The following UBE3B variants were observed in gnomAD, a reference collection of about 807,000 sequenced individuals.
UBE3B encodes the protein ubiquitin-protein ligase E3B.
Under a neutral mutation model 132.3 loss-of-function variants are expected in UBE3B, and 80 were observed. The observed-to-expected ratio is 0.60, with a 90% CI of 0.50 to 0.73. The LOEUF is 0.73. Among genes scored for constraint, UBE3B ranks in the 30% least tolerant of loss-of-function variants. The pLI, the probability that UBE3B is intolerant of heterozygous loss-of-function variation, is 0.00. For missense variants in UBE3B, 1,196 were observed against 1,362.5 expected, an observed-to-expected ratio of 0.88 and a Z score of 1.92; for synonymous variants, 487 against 520.4, an observed-to-expected ratio of 0.94 and a Z score of 0.87.
chr12:109,512,230 G>A (rs1384416923), intron 18 of UBE3B, among the ~76,000 whole-genome samples: 1 of 152,178 alleles, frequency 6.6e-6, no homozygotes, highest in Non-Finnish European at 1.5e-5. Flanking sequence ...CAGCACCCAA[G>A]TCTGCTGACT....
At chr12:109,528,366 G>A in intron 24 of UBE3B, 5 of 985,340 alleles carry the variant, frequency 5.1e-6, no homozygotes, top group Non-Finnish European at 4.8e-6. Flanking sequence ...AAGTATACCT[G>A]GAAGGAGGAG....
chr12:109,499,677 G>T lies in UBE3B; in HGVS notation c.985G>T (p.Glu329Ter). 1 of 1,612,794 alleles carries T rather than the reference G, an allele frequency of 6.2e-7. No individual in the cohort carries two copies. Among genetic ancestry groups the T allele is most frequent in the South Asian group, 1.1e-5 (1 of 90,976 alleles). The change falls in exon 12 of 28, where the codon GAG (glutamate) becomes TAG (stop). Residue 329 changes from glutamate to a stop codon, truncating the protein, a stop_gained. Coordinates refer to ENST00000342494, the MANE Select transcript of UBE3B (RefSeq NM_130466.4). LOFTEE classifies it high-confidence loss of function. ...CTCCCTCAGCCCCAGAGTGTTAGAGGAGGAGACAGATGGGTTCGTGAGTTT... is the reference window on the plus strand; with the variant it reads ...CTCCCTCAGCCCCAGAGTGTTAGAGTAGGAGACAGATGGGTTCGTGAGTTT... The part of the protein sequence containing the change: ...LGSLSPRVLE[E>*]ETDGFVSLLT...
At chr12:109,542,668 CAG>C in the UBE3B span, among the ~76,000 whole-genome samples, 1 of 152,140 alleles carries the variant, frequency 6.6e-6, no homozygotes, top group Non-Finnish European at 1.5e-5. Flanking sequence ...AAGACAGAGG[CAG>C]AGACTCAAGT....
At chr12:109,478,583 C>T (rs532065756) in intron 1 of UBE3B, among the ~76,000 whole-genome samples, 7 of 152,152 alleles carry the variant, frequency 4.6e-5, no homozygotes, top group Non-Finnish European at 1.0e-4. Flanking sequence ...AAGTTCAAGA[C>T]CAGCGTGGCC....
chr12:109,492,650 G>A (rs917802720), intron 9 of UBE3B: 2 of 151,854 alleles, frequency 1.3e-5, no homozygotes, highest in Non-Finnish European at 2.9e-5. Context: ...GTCTGAGGTG[G>A]GAGGATCACT....
chr12:109,533,057 T>A (rs527581722), intron 26 of UBE3B, among the ~76,000 whole-genome samples: 3 of 152,046 alleles, frequency 2.0e-5, no homozygotes, highest in Admixed American at 2.0e-4. Context: ...GCCCTCACCG[T>A]CTCCCATTTT....
At chr12:109,531,000 C>A (rs1197279395) in intron 26 of UBE3B, among the ~76,000 whole-genome samples, 2 of 152,200 alleles carry the variant, frequency 1.3e-5, no homozygotes, top group Non-Finnish European at 1.5e-5. Context: ...AAATGACCCT[C>A]TGCTTGGAAC....
intron 2 of UBE3B, among the ~76,000 whole-genome samples, chr12:109,482,020 G>A (rs971081983): frequency 6.6e-6 from 1 of 152,076 alleles, no homozygotes; most frequent in Non-Finnish European, 1.5e-5. Flanking sequence ...TTCATGTGGT[G>A]GGAGGCTTGC....
chr12:109,545,338 C>T, the UBE3B span, among the ~76,000 whole-genome samples: 2 of 152,226 alleles, frequency 1.3e-5, no homozygotes, highest in Non-Finnish European at 2.9e-5. Flanking sequence ...CTCCTGTGCC[C>T]CAGGCTGGGT....
At chr12:109,516,936 T>C in intron 19 of UBE3B, 52 bp downstream of exon 19, 4 of 1,593,382 alleles carry the variant, frequency 2.5e-6, no homozygotes, top group Non-Finnish European at 3.4e-6. Flanking sequence ...CCCTGCAACA[T>C]GGAAGCTCTT....
chr12:109,527,283 T>TAGAC (rs1882453610), intron 24 of UBE3B, among the ~76,000 whole-genome samples: 1 of 152,168 alleles, frequency 6.6e-6, no homozygotes, highest in South Asian at 2.1e-4. Flanking sequence ...GCAAAACCTC[T>TAGAC]CAGTGCATGG....
the UBE3B span, among the ~76,000 whole-genome samples, chr12:109,543,379 C>CA: frequency 3.3e-5 from 5 of 152,082 alleles, no homozygotes; most frequent in Admixed American, 1.3e-4. Flanking sequence ...ACGGGGTCAG[C>CA]GGCTGGTAAC....
intron 8 of UBE3B, chr12:109,490,562 A>C (rs894180590): frequency 6.5e-7 from 1 of 1,535,976 alleles, no homozygotes; most frequent in African/African-American, 1.4e-5. Context: ...GTCCGTTGGC[A>C]GAAGCTGGTA....
At position 109,530,621 on chromosome 12, in the gene UBE3B, C is replaced by T; in HGVS notation, c.2885C>T (p.Ser962Phe). Residue 962 changes from serine (S) to phenylalanine (F), a missense_variant, in exon 26 of 28, where the codon TCC (serine) becomes TTC (phenylalanine). Coordinates refer to ENST00000342494, the MANE Select transcript of UBE3B (RefSeq NM_130466.4). The part of the protein sequence containing the change: ...VIIWLWDILA[S>F]DFTPDERAMF... ...ATCTGGCTCTGGGATATTCTGGCCT[C>T]CGACTTCACACCGGATGAGAGAGCT... is the stretch of plus-strand genomic sequence containing the variant. The T allele has an allele frequency of 1.9e-6, 3 of 1,614,154 alleles. No individual in the cohort carries two copies. Among genetic ancestry groups the T allele is most frequent in the Non-Finnish European group, 1.7e-6 (2 of 1,180,018 alleles).
At chr12:109,485,645 C>G (rs1876310093) in intron 4 of UBE3B, among the ~76,000 whole-genome samples, 2 of 152,188 alleles carry the variant, frequency 1.3e-5, no homozygotes, top group South Asian at 2.1e-4. Flanking sequence ...ATCCATGGTG[C>G]TTAAGAAAAG....
intron 7 of UBE3B, 54 bp downstream of exon 7, chr12:109,488,722 C>T: frequency 6.5e-7 from 1 of 1,550,004 alleles, no homozygotes; most frequent in Non-Finnish European, 8.9e-7. Flanking sequence ...ATAGAGAGCT[C>T]AGGGACCTTT....
intron 24 of UBE3B, among the ~76,000 whole-genome samples, chr12:109,526,870 C>CA (rs10679640): frequency 0.2 from 24,708 of 123,638 alleles, 2,175 homozygotes; most frequent in Non-Finnish European, 0.21. Flanking sequence ...GACTCCGTCT[C>CA]AAAAAAAAAA....
chr12:109,491,167 G>T (rs1566079696), intron 9 of UBE3B, 40 bp downstream of exon 9: 1 of 1,587,050 alleles, frequency 6.3e-7, no homozygotes, highest in Non-Finnish European at 8.6e-7. Context: ...GCATGTTCTT[G>T]AATGCTTCCT....
Position 109,488,646 on chromosome 12 carries a change from G to A in UBE3B, c.522G>A (p.Thr174=), listed in dbSNP as rs61739922. The A allele has an allele frequency of 6.3e-5, 102 of 1,614,088 alleles. No homozygotes were observed. The Middle Eastern group carries it at 5.6e-3, about 89-fold the overall frequency. Residue 174 remains threonine, a synonymous_variant, in exon 7 of 28, where the codon ACG becomes ACA. Coordinates refer to ENST00000342494, the MANE Select transcript of UBE3B (RefSeq NM_130466.4). ...TTGTCACCTTCACAGACACTTCAAC[G>A]TGGAAAATTCTTCGGGGAAAAGGTC... ...TMLVTFTDTS[T]WKILRGKGES...
Sources: allele counts gnomAD v4.1 joint callset (sites outside exome capture counted in the v4.1 genomes callset), GRCh38; gene constraint gnomAD v4.1.1; transcripts MANE v1.5; gene names NCBI Gene and HGNC (gene_info 2026-07-23, HGNC 2026-07-21).